The following NTN4 variants were observed in gnomAD, a reference collection of about 807,000 sequenced individuals.
The protein encoded by NTN4 is netrin-4.
In NTN4, 32 loss-of-function variants were observed where a neutral mutation model predicts 73.6. That is an observed-to-expected ratio of 0.44 (90% CI 0.33 to 0.58). NTN4 has a LOEUF of 0.58. Ranked by LOEUF, NTN4 falls within the 20% of genes least tolerant of loss-of-function variation. NTN4 has a pLI of 0.04. For synonymous variants in NTN4, 258 were observed against 287.5 expected (o/e 0.90, Z 1.04); for missense variants, 654 against 798.3 (o/e 0.82, Z 2.18).
At chr12:95,760,680 C>CTTTTTT (rs11308260) in intron 2 of NTN4, among the ~76,000 whole-genome samples, 3 of 130,790 alleles carry the variant, frequency 2.3e-5, no homozygotes, top group East Asian at 2.2e-4. Flanking sequence ...ATTGTATCAT[C>CTTTTTT]TTTTTTTTTT....
chr12:95,696,548 T>C (rs2078443758), intron 5 of NTN4, among the ~76,000 whole-genome samples: 1 of 152,224 alleles, frequency 6.6e-6, no homozygotes, highest in South Asian at 2.1e-4. Flanking sequence ...CCTAGGTCAA[T>C]GCCTGACCCA....
intron 2 of NTN4, among the ~76,000 whole-genome samples, chr12:95,786,644 C>T (rs574195671): frequency 2.6e-5 from 4 of 152,194 alleles, no homozygotes; most frequent in East Asian, 1.9e-4. Flanking sequence ...TAAGTAGTCC[C>T]GAGAACTGAA....
chr12:95,745,470 A>C (rs150795781), intron 2 of NTN4, among the ~76,000 whole-genome samples: 205 of 152,276 alleles, frequency 1.3e-3, no homozygotes, highest in African/African-American at 4.1e-3. Context: ...CATCTCAGGC[A>C]TCAGAATCTT....
At chr12:95,683,745 T>A in intron 5 of NTN4, 34 bp from the exon 6 acceptor site, 1 of 1,518,188 alleles carries the variant, frequency 6.6e-7, no homozygotes, top group Non-Finnish European at 9.0e-7. Context: ...GATCAAAGAC[T>A]GACTGTAGAT....
At chr12:95,716,278 G>A (rs1466501859) in intron 3 of NTN4, among the ~76,000 whole-genome samples, 1 of 152,162 alleles carries the variant, frequency 6.6e-6, no homozygotes, top group Non-Finnish European at 1.5e-5. Context: ...ACTTCTAAGT[G>A]CAGTCCCTGA....
chr12:95,725,735 G>A (rs1006711753), intron 3 of NTN4, among the ~76,000 whole-genome samples: 2 of 152,044 alleles, frequency 1.3e-5, no homozygotes, highest in African/African-American at 4.8e-5. Flanking sequence ...TTTTCATATC[G>A]GGAAATTGTT....
chr12:95,678,013 AG>A (rs1470129208), intron 7 of NTN4, among the ~76,000 whole-genome samples: 5 of 152,262 alleles, frequency 3.3e-5, no homozygotes, highest in Admixed American at 6.5e-5. Context: ...GCCATAAAAA[AG>A]GATGAGTTCA....
chr12:95,717,317 T>C, intron 3 of NTN4, among the ~76,000 whole-genome samples: 1 of 152,158 alleles, frequency 6.6e-6, no homozygotes, highest in Non-Finnish European at 1.5e-5. Flanking sequence ...AGTCCGCAGA[T>C]ATTTAGAGTT....
intron 3 of NTN4, among the ~76,000 whole-genome samples, chr12:95,724,655 A>G (rs141366403): frequency 3.9e-4 from 59 of 152,310 alleles, no homozygotes; most frequent in Middle Eastern, 3.4e-3. Flanking sequence ...ATTACAACAA[A>G]AATACTAGAT....
intron 3 of NTN4, among the ~76,000 whole-genome samples, chr12:95,729,349 GA>G (rs1337411356): frequency 1.3e-5 from 2 of 151,806 alleles, no homozygotes; most frequent in African/African-American, 2.4e-5. Context: ...TAAAGACTAG[GA>G]AAAGAGCTAA....
intron 2 of NTN4, 22 bp from the exon 3 acceptor site, chr12:95,738,166 C>T (rs1156714918): frequency 2.5e-6 from 4 of 1,598,108 alleles, no homozygotes; most frequent in Non-Finnish European, 3.4e-6. Flanking sequence ...AAGAAAATAC[C>T]ATGCGTTTAT....
intron 2 of NTN4, among the ~76,000 whole-genome samples, chr12:95,779,887 C>T (rs1186439715): frequency 2.6e-5 from 4 of 152,156 alleles, no homozygotes; most frequent in Non-Finnish European, 4.4e-5. Flanking sequence ...GGAGGCATCA[C>T]GCTACCTGAC....
At chr12:95,726,981 A>T (rs571693377) in intron 3 of NTN4, among the ~76,000 whole-genome samples, 2,531 of 134,676 alleles carry the variant, frequency 0.019, 185 homozygotes, top group Admixed American at 0.14. Flanking sequence ...AAAAAAAAAA[A>T]TTTTTTTGGG....
At chr12:95,696,214 T>C (rs977897250) in intron 5 of NTN4, among the ~76,000 whole-genome samples, 3 of 151,062 alleles carry the variant, frequency 2.0e-5, no homozygotes, top group African/African-American at 2.4e-5. Flanking sequence ...CATGCTCCCC[T>C]TTTTTTTTCA....
At chr12:95,760,131 G>T (rs2078976480) in intron 2 of NTN4, among the ~76,000 whole-genome samples, 1 of 152,112 alleles carries the variant, frequency 6.6e-6, no homozygotes, top group Non-Finnish European at 1.5e-5. Flanking sequence ...TCAGCTTTTT[G>T]AAGATTGCTG....
intron 2 of NTN4, among the ~76,000 whole-genome samples, chr12:95,751,921 G>A (rs937385778): frequency 1.4e-5 from 2 of 142,100 alleles, no homozygotes; most frequent in Admixed American, 1.4e-4. Context: ...ATCCCCACCT[G>A]CCCAGTTCCC....
chr12:95,778,144 TG>T (rs2079107583), intron 2 of NTN4, among the ~76,000 whole-genome samples: 1 of 152,072 alleles, frequency 6.6e-6, no homozygotes, highest in African/African-American at 2.4e-5. Flanking sequence ...CTAGAATCTC[TG>T]GGACGCATTT....
intron 3 of NTN4, among the ~76,000 whole-genome samples, chr12:95,735,368 T>C (rs1430649148): frequency 1.3e-5 from 2 of 152,202 alleles, no homozygotes; most frequent in African/African-American, 2.4e-5. Flanking sequence ...TCCACAGTTT[T>C]GGCTTGGCTT....
Position 95,737,916 on chromosome 12 carries a change from T to C in NTN4, c.814A>G (p.Ile272Val). 6.2e-7 allele frequency: 1 copy of C among 1,614,044 alleles called. No individual in the cohort carries two copies. Among genetic ancestry groups the C allele is most frequent in the Non-Finnish European group, 8.5e-7 (1 of 1,179,894 alleles). Residue 272 changes from isoleucine (I) to valine (V), a missense_variant, in exon 3 of 10, where the codon ATA becomes GTA. Coordinates refer to ENST00000343702, the MANE Select transcript of NTN4 (RefSeq NM_021229.4). ...CFCNGHADQC[I>V]PVHGFRPVKA... is the part of the protein sequence containing the mutation. The stretch of plus-strand genomic sequence containing the variant: ...ACAGGTCTGAAGCCATGAACAGGTA[T>C]GCATTGATCAGCGTGGCCATTGCAG...
Sources: gnomAD v4.1 joint callset for allele counts (sites outside exome capture counted in the v4.1 genomes callset) on GRCh38, gnomAD v4.1.1 for gene constraint, MANE v1.5 for transcripts, NCBI Gene and HGNC (gene_info 2026-07-23, HGNC 2026-07-21) for gene names.